The following PRDM16 variants were observed in gnomAD, a reference collection of about 807,000 sequenced individuals.
PRDM16 encodes histone-lysine N-methyltransferase PRDM16.
A neutral mutation model predicts 110.6 loss-of-function variants in PRDM16; 23 were observed. That is an observed-to-expected ratio of 0.21 (90% confidence interval 0.15 to 0.29). The LOEUF (loss-of-function observed/expected upper bound fraction) is 0.29. Among genes scored for constraint, PRDM16 ranks in the 10% least tolerant of loss-of-function variants. PRDM16 has a pLI of 1.00. For synonymous variants in PRDM16, 799 were observed against 781.8 expected (o/e 1.02, Z -0.37); for missense variants, 1,615 against 1,794.3 (o/e 0.90, Z 1.81).
At position 3,411,713 on chromosome 1, in the gene PRDM16, A is replaced by G; in HGVS notation, c.1516A>G (p.Thr506Ala). 1 of 1,610,090 alleles carries G rather than the reference A, an allele frequency of 6.2e-7. No individual in the cohort carries two copies. ...CCTGCCCTTCTCCACGGCGCCTCCC[A>G]CGTTCCCCGCACTCACCCCCGGCTT... The part of the protein sequence containing the change: ...GSLPFSTAPP[T>A]FPALTPGFPG... Residue 506 changes from threonine to alanine, a missense_variant, in exon 9 of 17, where the codon ACG becomes GCG. Physicochemically the swap from Thr to Ala is moderately conservative, Grantham distance 58. Transcript: ENST00000270722.
chr1:3,386,162 G>GGGGTGCCCA (rs1643193629), intron 4 of PRDM16, among the ~76,000 whole-genome samples: 1 of 152,144 alleles, frequency 6.6e-6, no homozygotes, highest in South Asian at 2.1e-4. Context: ...CGGGGTGCCC[G>GGGGTGCCCA]GGGTCCCCGG....
Position 3,209,587 on chromosome 1 carries a change from G to A in PRDM16, c.387+23113G>A, listed in dbSNP as rs1287811855. Among the ~76,000 whole-genome samples the A allele has an allele frequency of 6.6e-6, 1 of 152,200 alleles. No homozygotes were observed. The highest frequency in any genetic ancestry group is 2.4e-5 in the African/African-American group (1 of 41,438). On this transcript the variant is annotated intron_variant, in intron 2 of 16. Transcript: ENST00000270722. This position sits in a 1 kb window ranked among gnomAD's most constrained non-coding sequence, Gnocchi z 4.6. ...CTCCCTGTGGGTGCGCGTGGAAGCT[G>A]AGCGCCTCAGTGGAATGTCCTGGAA...
chr1:3,165,060 C>A (rs549678397), intron 1 of PRDM16, among the ~76,000 whole-genome samples: 3 of 152,362 alleles, frequency 2.0e-5, no homozygotes, highest in East Asian at 3.9e-4. Flanking sequence ...CTGGGCATGG[C>A]CTGGTAGGCC....
rs183991258 is a variant in PRDM16 at position 3,259,423 on chromosome 1, G to A, written c.438+15286G>A. Reference sequence around the variant, plus strand: ...TGGTAGAGGCCACCCCTTGCAGCTCGCCAAGGGATGATCTTAGGGCACAAC... The same window carrying A: ...TGGTAGAGGCCACCCCTTGCAGCTCACCAAGGGATGATCTTAGGGCACAAC... On this transcript the variant is annotated intron_variant, in intron 3 of 16. Coordinates refer to ENST00000270722, the MANE Select transcript of PRDM16 (RefSeq NM_022114.4). Among the ~76,000 whole-genome samples the A allele has an allele frequency of 1.6e-4, 25 of 152,350 alleles. No individual in the cohort carries two copies. The East Asian group carries it at 2.5e-3, about 15-fold the overall frequency.
intron 1 of PRDM16, among the ~76,000 whole-genome samples, chr1:3,146,271 G>A (rs2100712157): frequency 6.6e-6 from 1 of 152,358 alleles, no homozygotes; most frequent in South Asian, 2.1e-4. Context: ...TCTGGGGTGG[G>A]GGGGGCCTCC....
At chr1:3,424,842 C>T (rs1403386915) in intron 12 of PRDM16, 1 of 152,188 alleles carries the variant, frequency 6.6e-6, no homozygotes, top group Non-Finnish European at 1.5e-5. Context: ...GGAAACTGGC[C>T]TTGCCGAGTG....
intron 1 of PRDM16, among the ~76,000 whole-genome samples, chr1:3,088,960 T>C (rs1642212606): frequency 1.3e-5 from 2 of 151,792 alleles, no homozygotes; most frequent in Non-Finnish European, 2.9e-5. Flanking sequence ...TTTTTGTATT[T>C]TTAGTAGAGA....
rs1021443532 is a variant in PRDM16, at chr1:3,069,550, C to G, written c.37+254C>G. Among the ~76,000 whole-genome samples, 16 of 149,326 alleles carry G rather than the reference C, an allele frequency of 1.1e-4. No individual in the cohort carries two copies. Among genetic ancestry groups the G allele is most frequent in the South Asian group, 4.2e-4 (2 of 4,776 alleles). On this transcript the variant is annotated intron_variant, in intron 1 of 16. Transcript: ENST00000270722. This position sits in a 1 kb window ranked among gnomAD's most constrained non-coding sequence, Gnocchi z 6.1. ...CCCTCCCCGCGGAACCCCCTCCCCC[C>G]CCACCAGTGTCAGGCGCTCGGGCCC...
intron 3 of PRDM16, among the ~76,000 whole-genome samples, chr1:3,384,129 G>A (rs545047360): frequency 2.3e-4 from 34 of 145,992 alleles, no homozygotes; most frequent in African/African-American, 8.5e-4. Flanking sequence ...ACATACACCT[G>A]TCCAGCAGGA....
rs1403475005 is a variant in PRDM16, at chr1:3,435,514, CTATT to C, written c.*1709_*1712del. ...TACATTTGCATTTAAGACAAGTGTT[CTATT>C]TATTTCTTGTATTGTTTGGAAGAAA... On this transcript the variant is annotated 3_prime_UTR_variant, in exon 17 of 17. Coordinates refer to ENST00000270722, the MANE Select transcript of PRDM16 (RefSeq NM_022114.4). 1.3e-5 allele frequency: 3 copies of C among 230,490 alleles called. No individual in the cohort carries two copies. The highest frequency in any genetic ancestry group is 2.6e-5 in the Non-Finnish European group (3 of 116,672). 14.3% of individuals were successfully genotyped at this position (230,490 alleles called of 1,614,324 possible). A position where few individuals can be genotyped will look rare whatever the true frequency, so the allele number is the denominator to read the frequency against.
chr1:3,434,994 T>G lies in PRDM16; in HGVS notation c.*1183T>G. On this transcript the variant is annotated 3_prime_UTR_variant, in exon 17 of 17. Transcript: ENST00000270722. ...CTGAGACTCCGGATGGACGACACAG[T>G]CGTCACGTCGCTCTTCCTGCGGGTT... 1 of 227,564 alleles carries G rather than the reference T, an allele frequency of 4.4e-6. No individual in the cohort carries two copies. Among genetic ancestry groups the G allele is most frequent in the East Asian group, 6.3e-5 (1 of 15,956 alleles). The allele number at this position is 227,564 out of a possible 1,614,324, so 14.1% of individuals were successfully genotyped here. A position where few individuals can be genotyped will look rare whatever the true frequency, so the allele number is the denominator to read the frequency against.
chr1:3,386,766 G>C (rs931250263), intron 4 of PRDM16: 2 of 152,226 alleles, frequency 1.3e-5, no homozygotes, highest in African/African-American at 2.4e-5. Context: ...GATTTGCAGA[G>C]TGTGTCCTTA....
intron 2 of PRDM16, among the ~76,000 whole-genome samples, chr1:3,232,802 T>C (rs1313411446): frequency 6.6e-6 from 1 of 152,162 alleles, no homozygotes; most frequent in Admixed American, 6.5e-5. Context: ...AGTGGTGTCG[T>C]AGCCAGAGAA....
intron 3 of PRDM16, among the ~76,000 whole-genome samples, chr1:3,269,648 G>C (rs1388744648): frequency 9.8e-6 from 1 of 102,248 alleles, no homozygotes; most frequent in East Asian, 2.1e-4. Context: ...CCCGGAGGAG[G>C]ACAGTTGGGA....
intron 3 of PRDM16, among the ~76,000 whole-genome samples, chr1:3,356,365 C>T (rs1394685761): frequency 1.3e-5 from 2 of 152,198 alleles, no homozygotes; most frequent in Non-Finnish European, 2.9e-5. Context: ...TCAGGACGTG[C>T]GGCTGCCGTC....
At chr1:3,330,837 C>T (rs897442463) in intron 3 of PRDM16, among the ~76,000 whole-genome samples, 6 of 152,240 alleles carry the variant, frequency 3.9e-5, no homozygotes, top group East Asian at 1.9e-4. Context: ...CATACAGGCC[C>T]GAGCTGCCCT....
At chr1:3,214,394 G>T (rs1362858644) in intron 2 of PRDM16, among the ~76,000 whole-genome samples, 2 of 152,154 alleles carry the variant, frequency 1.3e-5, no homozygotes, top group Non-Finnish European at 2.9e-5. Context: ...AGACTCGCAG[G>T]CCTCAGAACT....
In PRDM16 at chr1:3,304,564, TCACGGAGCCACTGGCCTCAACTGCATGTC is replaced by T. The variant is rs1641271079; in HGVS notation, c.438+60431_438+60459del. 9.9e-5 allele frequency among the ~76,000 whole-genome samples: 15 copies of T among 152,276 alleles called. No individual in the cohort carries two copies. The South Asian group carries it at 2.9e-3, about 29-fold the overall frequency. On this transcript the variant is annotated intron_variant, in intron 3 of 16. Transcript: ENST00000270722. ...CCTGGAGCACATTGCGTTGTTGGTG[TCACGGAGCCACTGGCCTCAACTGCATGTC>T]CACACGAGGAGCACGGCCTGGAGTG...
At chr1:3,428,402 C>T (rs1333198335) in intron 14 of PRDM16, among the ~76,000 whole-genome samples, 1 of 152,190 alleles carries the variant, frequency 6.6e-6, no homozygotes, top group East Asian at 1.9e-4. Context: ...TGGCAAGGCC[C>T]ACAGTGCCCT....
Sources: gnomAD v4.1 joint callset for allele counts (sites outside exome capture counted in the v4.1 genomes callset) on GRCh38, gnomAD v4.1.1 for gene constraint, Gnocchi (gnomAD v3.1) non-coding constraint, MANE v1.5 for transcripts, NCBI Gene and HGNC (gene_info 2026-07-23, HGNC 2026-07-21) for gene names.